The following TACR1 variants were observed in gnomAD, a reference collection of about 807,000 sequenced individuals.
TACR1 encodes tachykinin receptor 1, also known as substance-P receptor.
TACR1 carries 25 observed loss-of-function variants against 35.8 expected under a neutral mutation model. That is an observed-to-expected ratio of 0.70 (90% confidence interval 0.51 to 0.98). The LOEUF is 0.98. Ranked by LOEUF, TACR1 falls within the 50% of genes least tolerant of loss-of-function variation. The pLI is 0.00. For missense variants in TACR1, 478 were observed against 522.9 expected (o/e 0.91, Z 0.84); for synonymous variants, 195 against 206.7 (o/e 0.94, Z 0.48).
intron 1 of TACR1, among the ~76,000 whole-genome samples, chr2:75,126,557 G>A (rs1175274023): frequency 1.3e-5 from 2 of 152,088 alleles, no homozygotes; most frequent in African/African-American, 2.4e-5. Flanking sequence ...CAACCTAGGC[G>A]ACACCCTCCT....
At chr2:75,184,690 A>G (rs1268976845) in intron 1 of TACR1, among the ~76,000 whole-genome samples, 3 of 151,412 alleles carry the variant, frequency 2.0e-5, no homozygotes, top group Admixed American at 6.6e-5. Flanking sequence ...ATTAGCAACC[A>G]AAAAAGTTAA....
Position 75,169,439 on chromosome 2 carries a change from A to C in TACR1, c.389+29107T>G, listed in dbSNP as rs570733308. ...TGAGTAACAATGTGGCTAAGTATAT[A>C]AGGTCATAATATTTTCTGCTAAAAA... On this transcript the variant is annotated intron_variant, in intron 1 of 4. Coordinates refer to ENST00000305249, the MANE Select transcript of TACR1 (RefSeq NM_001058.4). Among the ~76,000 whole-genome samples, 3 of 152,342 alleles carry C rather than the reference A, an allele frequency of 2.0e-5. No individual in the cohort carries two copies. In the South Asian group the frequency reaches 6.2e-4, roughly 32 times the overall value.
At chr2:75,087,731 C>A (rs1434515479) in intron 2 of TACR1, among the ~76,000 whole-genome samples, 1 of 152,220 alleles carries the variant, frequency 6.6e-6, no homozygotes, top group Admixed American at 6.5e-5. Context: ...CCTTCTTAAT[C>A]ACTTTTCCCC....
At chr2:75,160,693 A>C (rs186042877) in intron 1 of TACR1, among the ~76,000 whole-genome samples, 51 of 151,038 alleles carry the variant, frequency 3.4e-4, no homozygotes, top group Admixed American at 1.0e-3. Flanking sequence ...AAGAACAATA[A>C]GATAAAAAAT....
chr2:75,189,898 T>TTA (rs1675801727), intron 1 of TACR1: 1 of 152,252 alleles, frequency 6.6e-6, no homozygotes, highest in East Asian at 1.9e-4. Context: ...ATTATTTGAT[T>TTA]TGTTAAGCTT....
intron 2 of TACR1, among the ~76,000 whole-genome samples, chr2:75,083,567 G>A (rs1309474982): frequency 2.0e-5 from 3 of 152,180 alleles, no homozygotes; most frequent in Non-Finnish European, 4.4e-5. Context: ...AGCATGGAAT[G>A]TTCTTCCATT....
At chr2:75,088,366 C>T (rs1057209353) in intron 2 of TACR1, among the ~76,000 whole-genome samples, 2 of 152,156 alleles carry the variant, frequency 1.3e-5, no homozygotes, top group African/African-American at 4.8e-5. Flanking sequence ...CCTGAAATCT[C>T]CAGCCTTTTT....
At chr2:75,051,823 A>C (rs894898124) in intron 3 of TACR1, among the ~76,000 whole-genome samples, 1 of 152,186 alleles carries the variant, frequency 6.6e-6, no homozygotes, top group African/African-American at 2.4e-5. Flanking sequence ...ACTGTGTTAC[A>C]TTATTCTTCA....
At chr2:75,080,084 C>T (rs1166985065) in intron 2 of TACR1, among the ~76,000 whole-genome samples, 1 of 152,160 alleles carries the variant, frequency 6.6e-6, no homozygotes, top group East Asian at 1.9e-4. Context: ...ATTACTTATA[C>T]TTCGAGATAG....
At chr2:75,184,212 G>A (rs1350017435) in intron 1 of TACR1, among the ~76,000 whole-genome samples, 1 of 152,048 alleles carries the variant, frequency 6.6e-6, no homozygotes, top group Non-Finnish European at 1.5e-5. Context: ...TAGGCAATAT[G>A]AAAAAATGTA....
intron 2 of TACR1, among the ~76,000 whole-genome samples, chr2:75,070,235 GTGTGTGTGTGTGTGTGTA>G (rs1346511962): frequency 6.7e-6 from 1 of 148,532 alleles, no homozygotes; most frequent in Non-Finnish European, 1.5e-5. Context: ...GTGTGTGTAT[GTGTGTGTGTGTGTGTGTA>G]TGTGTGTGTG....
At chr2:75,106,768 G>A (rs998251969) in intron 2 of TACR1, among the ~76,000 whole-genome samples, 8 of 151,524 alleles carry the variant, frequency 5.3e-5, no homozygotes, top group East Asian at 3.9e-4. Context: ...TTTATATAAC[G>A]AAATAAAACA....
intron 1 of TACR1, among the ~76,000 whole-genome samples, chr2:75,146,634 G>T (rs1194799686): frequency 4.6e-5 from 7 of 152,206 alleles, no homozygotes; most frequent in Admixed American, 1.3e-4. Context: ...TGCGTTACTT[G>T]TGATGCTAAT....
intron 1 of TACR1, among the ~76,000 whole-genome samples, chr2:75,179,829 G>A (rs1204851121): frequency 6.6e-6 from 1 of 152,178 alleles, no homozygotes; most frequent in Non-Finnish European, 1.5e-5. Context: ...GACAGAAATT[G>A]TGCCTACACT....
chr2:75,110,330 A>AT (rs1452838137), intron 2 of TACR1, among the ~76,000 whole-genome samples: 5 of 151,802 alleles, frequency 3.3e-5, no homozygotes, highest in Non-Finnish European at 7.4e-5. Context: ...CTAGAAGTAG[A>AT]TGTCTTAAAA....
At chr2:75,084,205 T>C (rs1194067439) in intron 2 of TACR1, among the ~76,000 whole-genome samples, 2 of 152,218 alleles carry the variant, frequency 1.3e-5, no homozygotes, top group East Asian at 3.8e-4. Flanking sequence ...TTGTCATTGG[T>C]TCTGTTTATA....
At chr2:75,087,085 C>T (rs1036130064) in intron 2 of TACR1, among the ~76,000 whole-genome samples, 2 of 152,194 alleles carry the variant, frequency 1.3e-5, no homozygotes, top group Non-Finnish European at 2.9e-5. Flanking sequence ...CCCACACTCA[C>T]ACCTATACCC....
chr2:75,162,406 C>T (rs778527307), intron 1 of TACR1, among the ~76,000 whole-genome samples: 6 of 152,160 alleles, frequency 3.9e-5, no homozygotes, highest in Non-Finnish European at 8.8e-5. Flanking sequence ...TAGCCAATGG[C>T]CAATGGTTCT....
In TACR1 at chr2:75,049,282, G is replaced by A; in HGVS notation, c.*150C>T. The A allele has an allele frequency of 1.2e-6, 1 of 839,558 alleles. No homozygotes were observed. Among genetic ancestry groups the A allele is most frequent in the South Asian group, 1.9e-5 (1 of 53,302 alleles). The allele number at this position is 839,558 out of a possible 1,614,324, so 52.0% of individuals were successfully genotyped here. A position where few individuals can be genotyped will look rare whatever the true frequency, so the allele number is the denominator to read the frequency against. Reference sequence around the variant, plus strand: ...GAAGAATTGAGATTTTTTGACTCAAGGATGGAATGTTTTCCCTAACCCATA... The same window carrying A: ...GAAGAATTGAGATTTTTTGACTCAAAGATGGAATGTTTTCCCTAACCCATA... On this transcript the variant is annotated 3_prime_UTR_variant, in exon 5 of 5. Transcript: ENST00000305249.
Sources: gnomAD v4.1 joint callset for allele counts (sites outside exome capture counted in the v4.1 genomes callset) on GRCh38, gnomAD v4.1.1 for gene constraint, MANE v1.5 for transcripts, NCBI Gene and HGNC (gene_info 2026-07-23, HGNC 2026-07-21) for gene names.